The following GLYR1 variants were observed in gnomAD, a reference collection of about 807,000 sequenced individuals.
The protein encoded by GLYR1 is cytokine-like nuclear factor N-PAC.
Under a neutral mutation model 72.7 loss-of-function variants are expected in GLYR1, and 21 were observed. The ratio of observed to expected loss-of-function variants is 0.29; its 90% CI spans 0.20 to 0.42. GLYR1 has a LOEUF of 0.42. Among genes scored for constraint, GLYR1 ranks in the 10% least tolerant of loss-of-function variants. The pLI is 1.00. For synonymous variants in GLYR1, 392 were observed against 270.2 expected (o/e 1.45, Z -4.42); for missense variants, 594 against 712.1 (o/e 0.83, Z 1.89).
At chr16:4,833,402 A>T (rs1237965233) in intron 3 of GLYR1, among the ~76,000 whole-genome samples, 3 of 152,226 alleles carry the variant, frequency 2.0e-5, no homozygotes, top group Non-Finnish European at 4.4e-5. Context: ...AATGGGAACC[A>T]GATTTATGAT....
At chr16:4,816,418 T>C (rs186386917) in intron 10 of GLYR1, among the ~76,000 whole-genome samples, 18 of 152,304 alleles carry the variant, frequency 1.2e-4, no homozygotes, top group African/African-American at 4.1e-4. Context: ...GCTAGGATTA[T>C]AGGTGTGAGC....
At chr16:4,826,761 T>C (rs1567736730) in intron 5 of GLYR1, among the ~76,000 whole-genome samples, 1 of 152,208 alleles carries the variant, frequency 6.6e-6, no homozygotes, top group Non-Finnish European at 1.5e-5. Flanking sequence ...AATAGGGTGA[T>C]GGAGAAGCTG....
chr16:4,823,742 C>CA (rs34966439), intron 6 of GLYR1, 79 bp downstream of exon 6: 37,596 of 769,776 alleles, frequency 0.049, 3 homozygotes, highest in East Asian at 0.075. Context: ...AAGAAAGGGA[C>CA]AAAAAAAAAA....
At chr16:4,821,474 T>C (rs1342158303) in intron 8 of GLYR1, 21 bp from the exon 9 acceptor site, 1 of 1,614,114 alleles carries the variant, frequency 6.2e-7, no homozygotes, top group South Asian at 1.1e-5. Context: ...GAAGCACACA[T>C]CATCAAGTCA....
At chr16:4,842,260 C>CA (rs1470291462) in intron 3 of GLYR1, among the ~76,000 whole-genome samples, 1 of 148,584 alleles carries the variant, frequency 6.7e-6, no homozygotes, top group East Asian at 2.0e-4. Context: ...AAAAAAACAA[C>CA]AACAAAAAAA....
intron 13 of GLYR1, 84 bp downstream of exon 13, chr16:4,812,002 C>A: frequency 6.6e-7 from 1 of 1,515,760 alleles, no homozygotes; most frequent in South Asian, 1.3e-5. Context: ...GGCAGAAAGG[C>A]CGTGTGGGAC....
chr16:4,809,880 C>T lies in GLYR1; in HGVS notation c.1587+1290G>A, dbSNP rs187397260. Reference sequence around the variant, plus strand: ...CAGAGGTTGCGGTGAGCCGAGATCGCGACACTGCACTCCAGCCTGGGCGAA... The same window carrying T: ...CAGAGGTTGCGGTGAGCCGAGATCGTGACACTGCACTCCAGCCTGGGCGAA... On this transcript the variant is annotated intron_variant, in intron 15 of 15. Transcript: ENST00000321919. Among the ~76,000 whole-genome samples, 16 of 151,426 alleles carry T rather than the reference C, an allele frequency of 1.1e-4. No homozygotes were observed. The East Asian group carries it at 2.3e-3, about 22-fold the overall frequency.
intron 3 of GLYR1, among the ~76,000 whole-genome samples, chr16:4,841,128 G>C (rs2085514604): frequency 6.6e-6 from 1 of 152,074 alleles, no homozygotes; most frequent in African/African-American, 2.4e-5. Context: ...ACCCTCCAAA[G>C]AACCTTCGTC....
chr16:4,828,041 C>A (rs1295565628), intron 5 of GLYR1, among the ~76,000 whole-genome samples: 1 of 151,384 alleles, frequency 6.6e-6, no homozygotes, highest in Non-Finnish European at 1.5e-5. Context: ...TTTTTTTAAG[C>A]AATGAAGTAT....
At position 4,805,091 on chromosome 16, in the gene GLYR1, G is replaced by A; in HGVS notation, c.*145C>T. Reference sequence around the variant, plus strand: ...CAGGGGAAGGGTGCTGCTGTGTGCTGTGCTGATGGCAAGTCTCAAAGTCTG... The same window carrying A: ...CAGGGGAAGGGTGCTGCTGTGTGCTATGCTGATGGCAAGTCTCAAAGTCTG... On this transcript the variant is annotated 3_prime_UTR_variant, in exon 16 of 16. Transcript: ENST00000321919. The A allele has an allele frequency of 2.8e-6, 2 of 704,392 alleles. No individual in the cohort carries two copies. The highest frequency in any genetic ancestry group is 4.1e-5 in the Admixed American group (2 of 48,272). The allele number at this position is 704,392 out of a possible 1,614,324, so 43.6% of individuals were successfully genotyped here. A position where few individuals can be genotyped will look rare whatever the true frequency, so the allele number is the denominator to read the frequency against.
chr16:4,835,648 T>C (rs1048270266), intron 3 of GLYR1, among the ~76,000 whole-genome samples: 4 of 152,160 alleles, frequency 2.6e-5, no homozygotes, highest in Non-Finnish European at 5.9e-5. Context: ...CTGGCCAACA[T>C]GGTGAAATCT....
intron 10 of GLYR1, among the ~76,000 whole-genome samples, chr16:4,815,996 C>T (rs1177911704): frequency 6.8e-6 from 1 of 146,766 alleles, no homozygotes; most frequent in Non-Finnish European, 1.6e-5. Flanking sequence ...GTCTCGATCT[C>T]CTGACCTCGT....
chr16:4,845,042 G>A (rs746928507), intron 3 of GLYR1, 32 bp downstream of exon 3: 2 of 1,442,090 alleles, frequency 1.4e-6, no homozygotes, highest in South Asian at 1.2e-5. Context: ...AGAAAGAAAG[G>A]CGAAGGGAGA....
intron 6 of GLYR1, 78 bp downstream of exon 6, chr16:4,823,743 A>C (rs1378131424): frequency 4.0e-5 from 4 of 100,434 alleles, no homozygotes; most frequent in Non-Finnish European, 7.3e-5. Context: ...AGAAAGGGAC[A>C]AAAAAAAAAA....
chr16:4,827,946 G>A (rs373310632), intron 5 of GLYR1, among the ~76,000 whole-genome samples: 132 of 151,582 alleles, frequency 8.7e-4, no homozygotes, highest in African/African-American at 3.1e-3. Context: ...CGAATTGAAG[G>A]TTTGTGGCAA....
At chr16:4,825,508 C>T (rs2084323332) in intron 5 of GLYR1, among the ~76,000 whole-genome samples, 1 of 152,118 alleles carries the variant, frequency 6.6e-6, no homozygotes, top group African/African-American at 2.4e-5. Context: ...TTATGTTTGC[C>T]CATAGAACAT....
At chr16:4,833,054 G>C in intron 3 of GLYR1, 142 bp from the exon 4 acceptor site, 1 of 647,666 alleles carries the variant, frequency 1.5e-6, no homozygotes, top group Non-Finnish European at 2.5e-6. Flanking sequence ...TTCAAAACAT[G>C]CTATCAACCA....
intron 5 of GLYR1, among the ~76,000 whole-genome samples, chr16:4,830,366 G>A (rs553900402): frequency 6.6e-6 from 1 of 152,068 alleles, no homozygotes; most frequent in East Asian, 1.9e-4. Context: ...GGCCTTCCCA[G>A]CTTCTCTTGA....
rs1301852834 is a variant in GLYR1, at chr16:4,832,891, C to T, written c.177G>A (p.Gln59=). Residue 59 remains glutamine (Q), a synonymous_variant, in exon 4 of 16, where the codon CAG becomes CAA. Coordinates refer to ENST00000321919, the MANE Select transcript of GLYR1 (RefSeq NM_032569.4). ...CTTTATGAGCATGATATGGCTTCAG[C>T]TGTTCCACTTTGATCCAGGCACTAG... is the stretch of plus-strand genomic sequence containing the variant. ...TEDHAWIKVE[Q]LKPYHAHKEE... 1.9e-6 allele frequency: 3 copies of T among 1,612,496 alleles called. No homozygotes were observed. Among genetic ancestry groups the T allele is most frequent in the African/African-American group, 1.3e-5 (1 of 74,886 alleles).
Sources: gnomAD v4.1 joint callset for allele counts (sites outside exome capture counted in the v4.1 genomes callset) on GRCh38, gnomAD v4.1.1 for gene constraint, MANE v1.5 for transcripts, NCBI Gene and HGNC (gene_info 2026-07-23, HGNC 2026-07-21) for gene names.